CDC42BPA: variants seen among roughly 807,000 people sequenced by gnomAD.
CDC42BPA encodes the protein serine/threonine-protein kinase MRCK alpha.
In CDC42BPA, 80 loss-of-function variants were observed where a neutral mutation model predicts 223.5. The observed-to-expected ratio is 0.36, with a 90% CI of 0.30 to 0.43. The LOEUF is 0.43. Ranked by LOEUF, CDC42BPA falls within the 20% of genes least tolerant of loss-of-function variation. The pLI, the probability that CDC42BPA is intolerant of heterozygous loss-of-function variation, is 1.00. For synonymous variants in CDC42BPA, 694 were observed against 718.6 expected (o/e 0.97, Z 0.55); for missense variants, 1,743 against 2,099.9 (o/e 0.83, Z 3.32).
chr1:227,012,360 T>C (rs1224476915), intron 34 of CDC42BPA, among the ~76,000 whole-genome samples: 1 of 152,186 alleles, frequency 6.6e-6, no homozygotes, highest in Non-Finnish European at 1.5e-5. Flanking sequence ...ATAGCATCTA[T>C]TTATAAGCCA....
chr1:227,030,385 A>C (rs1572362312), intron 29 of CDC42BPA, 23 bp downstream of exon 29: 3 of 596,098 alleles, frequency 5.0e-6, no homozygotes, highest in Admixed American at 4.0e-5. Context: ...AAATTACTCC[A>C]AAAAAAAAAA....
At chr1:227,168,497 GTTT>G (rs1292387936) in intron 5 of CDC42BPA, among the ~76,000 whole-genome samples, 2 of 80,194 alleles carry the variant, frequency 2.5e-5, no homozygotes, top group Non-Finnish European at 4.7e-5. Flanking sequence ...CTTCCCTGGT[GTTT>G]TTTTTTTTTT....
intron 1 of CDC42BPA, among the ~76,000 whole-genome samples, chr1:227,275,430 T>C (rs968418810): frequency 4.0e-5 from 6 of 151,496 alleles, no homozygotes; most frequent in Admixed American, 3.3e-4. Flanking sequence ...AGAAAGACAA[T>C]ACAGATGAGA....
chr1:227,019,483 A>T (rs1666965309), intron 32 of CDC42BPA, among the ~76,000 whole-genome samples: 1 of 152,154 alleles, frequency 6.6e-6, no homozygotes, highest in Non-Finnish European at 1.5e-5. Flanking sequence ...CATGAATCAC[A>T]TACGTTCTTA....
Position 227,112,375 on chromosome 1 carries a change from C to T in CDC42BPA, c.1938G>A (p.Arg646=). Residue 646 remains arginine (R), a synonymous_variant, in exon 14 of 37, where the codon AGG becomes AGA. Coordinates refer to ENST00000366766, the MANE Select transcript of CDC42BPA (RefSeq NM_001394014.1). ...EALAAEASKD[R]KLREQSEHYS... is the part of the protein sequence containing the mutation. ...AGTGCTCACTCTGTTCACGTAGCTT[C>T]CTGTCTTTAGATGCTTCAGCAGCTA... 6.2e-7 allele frequency: 1 copy of T among 1,608,378 alleles called. No individual in the cohort carries two copies. The highest frequency in any genetic ancestry group is 8.5e-7 in the Non-Finnish European group (1 of 1,177,432).
intron 2 of CDC42BPA, among the ~76,000 whole-genome samples, chr1:227,229,527 G>T (rs1677444909): frequency 6.6e-6 from 1 of 152,104 alleles, no homozygotes. Context: ...AAATCAGCTT[G>T]TCCATTTCTA....
chr1:227,234,023 C>T (rs1678526757), intron 2 of CDC42BPA, among the ~76,000 whole-genome samples: 1 of 152,152 alleles, frequency 6.6e-6, no homozygotes, highest in African/African-American at 2.4e-5. Context: ...TTAGGTTCAG[C>T]AAGATAACAT....
At chr1:227,028,069 G>A (rs7541973) in intron 30 of CDC42BPA, among the ~76,000 whole-genome samples, 105,863 of 151,172 alleles carry the variant, frequency 0.7, 37,772 homozygotes, top group East Asian at 0.81. Flanking sequence ...GCAGTGGGCT[G>A]TGACGATACC....
chr1:227,082,219 A>T (rs1275441490), intron 16 of CDC42BPA, among the ~76,000 whole-genome samples: 3 of 148,028 alleles, frequency 2.0e-5, no homozygotes, highest in Non-Finnish European at 4.5e-5. Flanking sequence ...TATTTTTTAA[A>T]TTTTTTTGTA....
At chr1:227,042,052 GCTAA>G (rs757424271) in intron 23 of CDC42BPA, among the ~76,000 whole-genome samples, 21 of 152,104 alleles carry the variant, frequency 1.4e-4, no homozygotes, top group Admixed American at 3.3e-4. Context: ...ATTTTCTAGT[GCTAA>G]CTTTTTCAAT....
At chr1:227,223,844 C>A (rs1451023269) in intron 2 of CDC42BPA, among the ~76,000 whole-genome samples, 3 of 152,154 alleles carry the variant, frequency 2.0e-5, no homozygotes, top group African/African-American at 7.2e-5. Flanking sequence ...TTGCAGCGAG[C>A]CACAGCTCTC....
At chr1:227,097,862 G>A (rs1684301839) in intron 15 of CDC42BPA, among the ~76,000 whole-genome samples, 1 of 152,174 alleles carries the variant, frequency 6.6e-6, no homozygotes, top group Non-Finnish European at 1.5e-5. Context: ...GGAAGAATCA[G>A]AGAAGGGATG....
chr1:227,101,240 C>A lies in CDC42BPA; in HGVS notation c.2002-1G>T. ...CTGGTGAGTAACTAATTTGTTTTTG[C>A]TATAGAAATAATAACAAAAGATTAG... is the stretch of plus-strand genomic sequence containing the variant. On this transcript the variant is annotated splice_acceptor_variant, in intron 14 of 36. Transcript: ENST00000366766. LOFTEE classifies it high-confidence loss of function. 6.6e-7 allele frequency: 1 copy of A among 1,514,554 alleles called. No individual in the cohort carries two copies. Among genetic ancestry groups the A allele is most frequent in the Non-Finnish European group, 8.9e-7 (1 of 1,126,456 alleles). 93.8% of individuals were successfully genotyped at this position (1,514,554 alleles called of 1,614,324 possible).
intron 22 of CDC42BPA, 131 bp downstream of exon 22, chr1:227,051,750 G>T: frequency 2.3e-6 from 1 of 429,220 alleles, no homozygotes; most frequent in Non-Finnish European, 4.5e-6. Flanking sequence ...TCAGTTAAAT[G>T]TAATGATCTC....
At chr1:227,274,226 C>G (rs1011341299) in intron 1 of CDC42BPA, among the ~76,000 whole-genome samples, 2 of 152,042 alleles carry the variant, frequency 1.3e-5, no homozygotes, top group African/African-American at 4.8e-5. Flanking sequence ...CACATCTCCA[C>G]AAAAATTCTC....
chr1:227,201,613 C>T (rs1671768890), intron 3 of CDC42BPA, among the ~76,000 whole-genome samples: 1 of 152,068 alleles, frequency 6.6e-6, no homozygotes, highest in African/African-American at 2.4e-5. Flanking sequence ...CCATTATTAA[C>T]TCTTTGGTCA....
intron 1 of CDC42BPA, among the ~76,000 whole-genome samples, chr1:227,261,516 T>C (rs540405022): frequency 2.1e-5 from 3 of 145,846 alleles, no homozygotes; most frequent in Non-Finnish European, 4.4e-5. Context: ...CAAATACACA[T>C]AGAAATGCTA....
At position 227,129,111 on chromosome 1, in the gene CDC42BPA, G is replaced by T; in HGVS notation, c.1511C>A (p.Thr504Lys). The change falls in exon 11 of 37, where the codon ACA becomes AAA. Residue 504 changes from threonine (T) to lysine (K), a missense_variant and splice_region_variant. Physicochemically the swap from Thr to Lys is moderately conservative, Grantham distance 78 (BLOSUM62 -1). This residue lies in a region of CDC42BPA where 464 missense variants were observed against 488.0 expected (regional missense o/e 0.95). Coordinates refer to ENST00000366766, the MANE Select transcript of CDC42BPA (RefSeq NM_001394014.1). ...AACAGTGAATCACAGATATTTACCT[G>T]TTACTTGTTTTCTTAGTTTTTCAAT... ...EEIEKLRKQV[T>K]ESSHLEQQLE... 1 of 1,422,214 alleles carries T rather than the reference G, an allele frequency of 7.0e-7. No individual in the cohort carries two copies. Among genetic ancestry groups the T allele is most frequent in the Non-Finnish European group, 9.8e-7 (1 of 1,019,948 alleles). 88.1% of individuals were successfully genotyped at this position (1,422,214 alleles called of 1,614,324 possible).
intron 1 of CDC42BPA, among the ~76,000 whole-genome samples, chr1:227,309,203 CAAAA>C (rs35336462): frequency 2.8e-4 from 37 of 130,004 alleles, no homozygotes; most frequent in Non-Finnish European, 3.1e-4. Context: ...CTATCTCTAC[CAAAA>C]AAAAAAAAAA....
Sources: gnomAD v4.1 joint callset for allele counts (sites outside exome capture counted in the v4.1 genomes callset) on GRCh38, gnomAD v4.1.1 for gene constraint, gnomAD v4.1.1 regional missense constraint, MANE v1.5 for transcripts, NCBI Gene and HGNC (gene_info 2026-07-23, HGNC 2026-07-21) for gene names.